The following MPHOSPH9 variants were observed in gnomAD, a reference collection of about 807,000 sequenced individuals.
MPHOSPH9 encodes the protein M-phase phosphoprotein 9.
A neutral mutation model predicts 145.5 loss-of-function variants in MPHOSPH9; 88 were observed. The ratio of observed to expected loss-of-function variants is 0.60; its 90% CI spans 0.51 to 0.72. The LOEUF (loss-of-function observed/expected upper bound fraction) is 0.72, where lower values mean the gene tolerates loss of function less well. Among genes scored for constraint, MPHOSPH9 ranks in the 30% least tolerant of loss-of-function variants. MPHOSPH9 has a pLI of 0.00. For missense variants in MPHOSPH9, 1,238 were observed against 1,386.6 expected, an observed-to-expected ratio of 0.89 and a Z score of 1.70; for synonymous variants, 435 against 486.2, an observed-to-expected ratio of 0.89 and a Z score of 1.39.
In MPHOSPH9 at chr12:123,227,535, T is replaced by G. The variant is rs2047478511; in HGVS notation, c.186A>C (p.Glu62Asp). 1 of 1,532,904 alleles carries G rather than the reference T, an allele frequency of 6.5e-7. No homozygotes were observed. Among genetic ancestry groups the G allele is most frequent in the African/African-American group, 1.4e-5 (1 of 73,016 alleles). 95.0% of individuals were successfully genotyped at this position (1,532,904 alleles called of 1,614,324 possible). ...GCTCTTGCATTAAAGAAGTTAGGAC[T>G]TCAACTGTACCTTGAATTACAGATG... ...TRPSVIQGTVEVLTSLMQELQ... is the reference protein window; with the variant it reads ...TRPSVIQGTVDVLTSLMQELQ... The change falls in exon 3 of 24, where the codon GAA becomes GAC. Residue 62 changes from glutamate to aspartate, a missense_variant. By Grantham distance (45) the Glu-to-Asp change is conservative (BLOSUM62 2). Transcript: ENST00000606320.
At chr12:123,242,581 A>C (rs1423584858) in intron 1 of MPHOSPH9, among the ~76,000 whole-genome samples, 1 of 152,190 alleles carries the variant, frequency 6.6e-6, no homozygotes, top group Non-Finnish European at 1.5e-5. Flanking sequence ...AGTGTCTAGA[A>C]TTGTCTGATT....
intron 13 of MPHOSPH9, among the ~76,000 whole-genome samples, chr12:123,190,916 A>G (rs1418717932): frequency 6.6e-6 from 1 of 152,208 alleles, no homozygotes; most frequent in Admixed American, 6.5e-5. Context: ...AAGTCAGTGT[A>G]TCACTGTCTA....
chr12:123,237,631 T>A (rs1433754587), upstream of MPHOSPH9, among the ~76,000 whole-genome samples: 1 of 152,228 alleles, frequency 6.6e-6, no homozygotes, highest in Admixed American at 6.5e-5. Flanking sequence ...CTGCTCAATC[T>A]ATTATGCTTT....
At chr12:123,152,337 G>A, downstream of MPHOSPH9, 1 of 312,156 alleles carries the variant, frequency 3.2e-6, no homozygotes, top group Non-Finnish European at 6.4e-6. Flanking sequence ...ACAGCCACAA[G>A]TATTTATTGA....
chr12:123,241,281 C>T (rs1342162814), intron 1 of MPHOSPH9, among the ~76,000 whole-genome samples: 1 of 151,544 alleles, frequency 6.6e-6, no homozygotes, highest in East Asian at 1.9e-4. Context: ...TGTGAGCCAT[C>T]ACACCCAGCA....
chr12:123,197,588 C>G (rs1008368052), intron 12 of MPHOSPH9, among the ~76,000 whole-genome samples: 6 of 151,880 alleles, frequency 4.0e-5, no homozygotes, highest in African/African-American at 1.5e-4. Context: ...TACAAACCAG[C>G]CTGACCCCCA....
chr12:123,174,652 G>A (rs1199054846), intron 16 of MPHOSPH9, among the ~76,000 whole-genome samples: 3 of 152,090 alleles, frequency 2.0e-5, no homozygotes, highest in Non-Finnish European at 4.4e-5. Context: ...GATTACAGGC[G>A]TGAGCCACCG....
intron 6 of MPHOSPH9, 24 bp downstream of exon 6, chr12:123,218,352 C>T (rs1043587217): frequency 3.1e-6 from 5 of 1,613,360 alleles, no homozygotes; most frequent in Non-Finnish European, 3.4e-6. Flanking sequence ...CTGGAGCCCG[C>T]AGGGAAAGTG....
intron 16 of MPHOSPH9, among the ~76,000 whole-genome samples, chr12:123,171,820 A>G (rs539087670): frequency 1.3e-5 from 2 of 152,278 alleles, no homozygotes; most frequent in East Asian, 3.9e-4. Flanking sequence ...CATACAGGTA[A>G]TATTCATGCC....
chr12:123,189,354 G>C (rs916903996), intron 13 of MPHOSPH9, among the ~76,000 whole-genome samples: 5 of 152,136 alleles, frequency 3.3e-5, no homozygotes. Context: ...CAGAGTCCAC[G>C]AACAGAATAT....
At chr12:123,182,552 A>G (rs1408903722) in intron 13 of MPHOSPH9, among the ~76,000 whole-genome samples, 1 of 150,940 alleles carries the variant, frequency 6.6e-6, no homozygotes. Flanking sequence ...GGCCTATTGT[A>G]TATTACTTTT....
At chr12:123,175,879 C>T (rs1414688608) in intron 16 of MPHOSPH9, among the ~76,000 whole-genome samples, 1 of 149,870 alleles carries the variant, frequency 6.7e-6, no homozygotes, top group Non-Finnish European at 1.5e-5. Flanking sequence ...TAACAAAGAC[C>T]TAGAAAAATC....
upstream of MPHOSPH9, among the ~76,000 whole-genome samples, chr12:123,235,822 G>A (rs1031727200): frequency 3.3e-5 from 5 of 151,876 alleles, no homozygotes; most frequent in South Asian, 2.1e-4. Flanking sequence ...CCAGCACTTC[G>A]GGAGGCCGAG....
intron 11 of MPHOSPH9, 141 bp from the exon 12 acceptor site, chr12:123,198,475 G>C: frequency 1.4e-6 from 1 of 692,854 alleles, no homozygotes; most frequent in South Asian, 1.9e-5. Context: ...CATTTTAATA[G>C]AATATAGCCC....
At chr12:123,204,258 C>T (rs74917517) in intron 8 of MPHOSPH9, among the ~76,000 whole-genome samples, 7,139 of 150,738 alleles carry the variant, frequency 0.047, 311 homozygotes, top group East Asian at 0.27. Context: ...GCCGAGATTG[C>T]GCCATTGCAC....
At chr12:123,165,536 C>A (rs995003658) in intron 17 of MPHOSPH9, 59 bp from the exon 18 acceptor site, 16 of 1,438,398 alleles carry the variant, frequency 1.1e-5, no homozygotes, top group Non-Finnish European at 1.4e-5. Flanking sequence ...ATCTTGCCCC[C>A]CGCCCCCACA....
chr12:123,197,763 C>G (rs2046031446), intron 12 of MPHOSPH9, among the ~76,000 whole-genome samples: 1 of 143,054 alleles, frequency 7.0e-6, no homozygotes, highest in Admixed American at 7.2e-5. Context: ...GCCTGGGCGA[C>G]AGAGCGAGAC....
Position 123,223,100 on chromosome 12 carries a change from C to T in MPHOSPH9, c.286G>A (p.Val96Met). 1 of 1,474,496 alleles carries T rather than the reference C, an allele frequency of 6.8e-7. No homozygotes were observed. Among genetic ancestry groups the T allele is most frequent in the Non-Finnish European group, 8.9e-7 (1 of 1,121,710 alleles). The allele number at this position is 1,474,496 out of a possible 1,614,324, so 91.3% of individuals were successfully genotyped here. Residue 96 changes from valine to methionine, a missense_variant, in exon 4 of 24, where the codon GTG (valine) becomes ATG (methionine). Transcript: ENST00000606320. ...ETRWLQLFNL[V>M]EKQCQEQIVA... is the part of the protein sequence containing the mutation. ...ATCTGTTCTTGGCATTGTTTTTCCA[C>T]CAAATTGAATAGCTGTAACCACCTG...
chr12:123,182,256 T>TTTG (rs1555220946), intron 13 of MPHOSPH9, among the ~76,000 whole-genome samples: 5 of 69,978 alleles, frequency 7.1e-5, no homozygotes, highest in African/African-American at 1.6e-4. Flanking sequence ...TGTGTTTTTT[T>TTTG]TTTTGTTTTT....
Sources: gnomAD v4.1 joint callset for allele counts (sites outside exome capture counted in the v4.1 genomes callset) on GRCh38, gnomAD v4.1.1 for gene constraint, MANE v1.5 for transcripts, NCBI Gene and HGNC (gene_info 2026-07-23, HGNC 2026-07-21) for gene names.